Variants in FBLN2 observed in about 807,000 individuals in gnomAD.
FBLN2 encodes the protein fibulin-2.
FBLN2 carries 81 observed loss-of-function variants against 123.7 expected under a neutral mutation model. The ratio of observed to expected loss-of-function variants is 0.65; its 90% confidence interval spans 0.55 to 0.79. FBLN2 has a LOEUF of 0.79. Ranked by LOEUF, FBLN2 falls within the 30% of genes least tolerant of loss-of-function variation. The probability of loss-of-function intolerance (pLI) is 0.00; values close to 1 mark genes in which losing one functional copy is unlikely to be tolerated. For missense variants in FBLN2, 1,603 were observed against 1,681.3 expected (o/e 0.95, Z 0.81); for synonymous variants, 699 against 701.4 (o/e 1.00, Z 0.05).
At chr3:13,630,064 C>G (rs1347765302) in intron 14 of FBLN2, 119 bp downstream of exon 14, 32 of 1,406,834 alleles carry the variant, frequency 2.3e-5, no homozygotes, top group Middle Eastern at 1.9e-4. Context: ...CTCACACCTT[C>G]ACCCATGCTG....
At chr3:13,577,842 C>T (rs1704199808) in intron 2 of FBLN2, among the ~76,000 whole-genome samples, 2 of 152,364 alleles carry the variant, frequency 1.3e-5, no homozygotes, top group South Asian at 4.1e-4. Context: ...AGGCCCTCTG[C>T]TCAGGGGCAT....
chr3:13,568,080 T>C (rs1307489377), intron 1 of FBLN2, among the ~76,000 whole-genome samples: 2 of 152,124 alleles, frequency 1.3e-5, no homozygotes, highest in African/African-American at 4.8e-5. Context: ...CCATTCCTAA[T>C]GTCAGTGGCT....
chr3:13,630,098 G>A (rs1174537202), intron 14 of FBLN2, among the ~76,000 whole-genome samples, 153 bp downstream of exon 14: 1 of 152,086 alleles, frequency 6.6e-6, no homozygotes, highest in African/African-American at 2.4e-5. Flanking sequence ...CCTCTGTCTG[G>A]CCCAACCCTC....
At chr3:13,593,257 A>G (rs1231036339) in intron 2 of FBLN2, among the ~76,000 whole-genome samples, 2 of 152,326 alleles carry the variant, frequency 1.3e-5, no homozygotes, top group South Asian at 4.1e-4. Context: ...AGTCCTGCAC[A>G]TGTTAACTAC....
In FBLN2 at chr3:13,626,575, C is replaced by A. The variant is rs763727429; in HGVS notation, c.2427C>A (p.Cys809Ter). ...EPGYALKDGE[C>*]EDVDECAMGT... is the part of the protein sequence containing the mutation. ...GCTATGCCCTCAAGGATGGCGAGTG[C>A]GAAGGTGAGAAGGGCCCAGAAGGAC... The change falls in exon 10 of 18, where the codon TGC becomes TGA. Residue 809 changes from cysteine to a stop codon, truncating the protein, a stop_gained. Transcript: ENST00000404922. LOFTEE classifies it high-confidence loss of function. 1.9e-6 allele frequency: 3 copies of A among 1,545,630 alleles called. No individual in the cohort carries two copies. Among genetic ancestry groups the A allele is most frequent in the Non-Finnish European group, 2.6e-6 (3 of 1,143,096 alleles).
intron 15 of FBLN2, 101 bp from the exon 16 acceptor site, chr3:13,631,228 G>A (rs1706244054): frequency 2.9e-6 from 4 of 1,392,128 alleles, no homozygotes; most frequent in Admixed American, 5.0e-5. Context: ...TTAAAAAATG[G>A]GCCCCTAAGC....
intron 8 of FBLN2, among the ~76,000 whole-genome samples, chr3:13,620,469 T>C (rs1286906310): frequency 6.6e-6 from 1 of 152,182 alleles, no homozygotes; most frequent in Non-Finnish European, 1.5e-5. Flanking sequence ...ACACTGGTGA[T>C]GATTAGCTGT....
At chr3:13,558,103 G>T (rs1198848688) in intron 1 of FBLN2, among the ~76,000 whole-genome samples, 1 of 152,204 alleles carries the variant, frequency 6.6e-6, no homozygotes, top group East Asian at 1.9e-4. Context: ...CACAGCAAAG[G>T]CCTGAGGGAC....
intron 2 of FBLN2, among the ~76,000 whole-genome samples, chr3:13,602,926 C>CT (rs1705081713): frequency 7.1e-6 from 1 of 140,006 alleles, no homozygotes; most frequent in Non-Finnish European, 1.5e-5. Flanking sequence ...TTTTTTTTTT[C>CT]CCCAAGACGA....
intron 2 of FBLN2, among the ~76,000 whole-genome samples, chr3:13,599,559 C>T (rs1704955684): frequency 6.6e-6 from 1 of 150,494 alleles, no homozygotes; most frequent in South Asian, 2.1e-4. Context: ...TGTGGACAGT[C>T]ATTCTATAGC....
Position 13,618,895 on chromosome 3 carries a change from C to T in FBLN2, c.1940-9C>T, listed in dbSNP as rs1010757885. 1.9e-6 allele frequency: 3 copies of T among 1,608,580 alleles called. No homozygotes were observed. The highest frequency in any genetic ancestry group is 2.5e-6 in the Non-Finnish European group (3 of 1,177,090). ...CCCTGCAACCCCCACTCTGCTCTACCCATGACAGAGGGTCACCCTCCACAG... is the reference window on the plus strand; with the variant it reads ...CCCTGCAACCCCCACTCTGCTCTACTCATGACAGAGGGTCACCCTCCACAG... On this transcript the variant is annotated splice_polypyrimidine_tract_variant and intron_variant, in intron 6 of 17. Coordinates refer to ENST00000404922, the MANE Select transcript of FBLN2 (RefSeq NM_001004019.2).
At position 13,570,972 on chromosome 3, in the gene FBLN2, T is replaced by TG. The variant is rs1184004043; in HGVS notation, c.619dup (p.Glu207GlyfsTer9). 1 of 1,610,718 alleles carries TG rather than the reference T, an allele frequency of 6.2e-7. No homozygotes were observed. The highest frequency in any genetic ancestry group is 8.5e-7 in the Non-Finnish European group (1 of 1,178,772). On this transcript the variant is annotated frameshift_variant, in exon 2 of 18. Transcript: ENST00000404922. LOFTEE classifies it high-confidence loss of function. ...AGCTATGACCAGGAGGTGGCCGAGG[T>TG]GGAAGCAGCAACAGCCCTGGGGGGT...
chr3:13,564,529 G>C (rs896043078), intron 1 of FBLN2, among the ~76,000 whole-genome samples: 1 of 152,224 alleles, frequency 6.6e-6, no homozygotes, highest in Non-Finnish European at 1.5e-5. Flanking sequence ...GCCAAATACT[G>C]TACAGGACAT....
At chr3:13,609,688 G>GGGGGGGGGGGGCCCC in intron 4 of FBLN2, 46 bp downstream of exon 4, 3 of 512,596 alleles carry the variant, frequency 5.9e-6, no homozygotes, top group Non-Finnish European at 3.6e-6. Context: ...GTGGGGCGGG[G>GGGGGGGGGGGGCCCC]CGGGAGGCTG....
At chr3:13,558,310 A>G (rs562890427) in intron 1 of FBLN2, among the ~76,000 whole-genome samples, 1 of 150,330 alleles carries the variant, frequency 6.7e-6, no homozygotes, top group South Asian at 2.1e-4. Context: ...TCACTAATGG[A>G]TCTCTTTCCT....
At chr3:13,609,688 G>GGGGGGGGGGGGGGGCCC in intron 4 of FBLN2, 46 bp downstream of exon 4, 2 of 512,602 alleles carry the variant, frequency 3.9e-6, no homozygotes, top group Non-Finnish European at 7.2e-6. Context: ...GTGGGGCGGG[G>GGGGGGGGGGGGGGGCCC]CGGGAGGCTG....
At chr3:13,623,527 T>C (rs911183815) in intron 9 of FBLN2, among the ~76,000 whole-genome samples, 1 of 152,200 alleles carries the variant, frequency 6.6e-6, no homozygotes, top group Admixed American at 6.5e-5. Flanking sequence ...CCCGTCGTGT[T>C]AGTACCTGCC....
At chr3:13,633,183 C>T (rs1378472828) in intron 16 of FBLN2, among the ~76,000 whole-genome samples, 1 of 152,272 alleles carries the variant, frequency 6.6e-6, no homozygotes, top group Non-Finnish European at 1.5e-5. Context: ...CTAGAGAGGG[C>T]TTCCCGGGAC....
intron 16 of FBLN2, among the ~76,000 whole-genome samples, chr3:13,632,745 T>C (rs931990579): frequency 2.6e-5 from 4 of 152,016 alleles, no homozygotes; most frequent in African/African-American, 9.7e-5. Flanking sequence ...CAGAAGACCA[T>C]GAGAAGACCC....
Sources: allele counts gnomAD v4.1 joint callset (sites outside exome capture counted in the v4.1 genomes callset), GRCh38; gene constraint gnomAD v4.1.1; transcripts MANE v1.5; gene names NCBI Gene and HGNC (gene_info 2026-07-23, HGNC 2026-07-21).